The following AKAP7 variants were observed in gnomAD, a reference collection of about 807,000 sequenced individuals.
AKAP7 encodes the protein A kinase (PRKA) anchor protein 7.
In AKAP7, 39 loss-of-function variants were observed where a neutral mutation model predicts 39.5. The ratio of observed to expected loss-of-function variants is 0.99; its 90% confidence interval spans 0.76 to 1.29. The LOEUF is 1.29. Ranked by LOEUF, AKAP7 falls within the 50% of genes most tolerant of loss-of-function variation. AKAP7 has a pLI of 0.00. For missense variants in AKAP7, 414 were observed against 407.7 expected (o/e 1.02, Z -0.13); for synonymous variants, 140 against 139.1 (o/e 1.01, Z -0.05).
chr6:131,167,263 C>T (rs1041322448), intron 4 of AKAP7, among the ~76,000 whole-genome samples: 5 of 152,174 alleles, frequency 3.3e-5, no homozygotes, highest in Admixed American at 6.5e-5. Context: ...CTGATTCCTT[C>T]TTACTCTGTG....
At chr6:131,203,608 C>T (rs1258253194) in intron 6 of AKAP7, among the ~76,000 whole-genome samples, 1 of 152,132 alleles carries the variant, frequency 6.6e-6, no homozygotes, top group African/African-American at 2.4e-5. Flanking sequence ...GGTAGAGTTA[C>T]TCCCTCATTA....
chr6:131,276,668 TGATA>T (rs1182754461), intron 7 of AKAP7, among the ~76,000 whole-genome samples: 1 of 152,338 alleles, frequency 6.6e-6, no homozygotes, highest in East Asian at 1.9e-4. Context: ...ATGAGGTTTC[TGATA>T]GTTAGAATGT....
intron 7 of AKAP7, among the ~76,000 whole-genome samples, chr6:131,260,316 A>T (rs1333455390): frequency 6.6e-6 from 1 of 152,074 alleles, no homozygotes; most frequent in African/African-American, 2.4e-5. Flanking sequence ...TTGGGCATAT[A>T]CCCAGTAATG....
At chr6:131,266,187 A>G (rs905553346) in intron 7 of AKAP7, among the ~76,000 whole-genome samples, 1 of 152,136 alleles carries the variant, frequency 6.6e-6, no homozygotes, top group African/African-American at 2.4e-5. Flanking sequence ...CCTTCTAATC[A>G]TCGCCTCGGT....
rs1815313673 is a variant in AKAP7, at chr6:131,282,900, CTG to C, written c.*1177_*1178del. ...GTCCTTGCAGAAAAAAACATACAGA[CTG>C]TGAACAAATCATTCACAAACAGAAT... is the stretch of plus-strand genomic sequence containing the variant. On this transcript the variant is annotated 3_prime_UTR_variant, in exon 8 of 8. Coordinates refer to ENST00000431975, the MANE Select transcript of AKAP7 (RefSeq NM_016377.4). 1 of 258,612 alleles carries C rather than the reference CTG, an allele frequency of 3.9e-6. No homozygotes were observed. The highest frequency in any genetic ancestry group is 7.4e-6 in the Non-Finnish European group (1 of 135,262). 16.0% of individuals were successfully genotyped at this position (258,612 alleles called of 1,614,324 possible).
At chr6:131,237,775 G>A (rs940640447) in intron 7 of AKAP7, among the ~76,000 whole-genome samples, 19 of 151,976 alleles carry the variant, frequency 1.3e-4, no homozygotes, top group East Asian at 7.7e-4. Context: ...TTTTTATTGC[G>A]TCTATTTGAT....
rs185439111 is a variant in AKAP7, at chr6:131,157,697, A to G, written c.152-2362A>G. Among the ~76,000 whole-genome samples, 375 of 152,344 alleles carry G rather than the reference A, an allele frequency of 2.5e-3. 2 individuals carry two copies. Among genetic ancestry groups the G allele is most frequent in the African/African-American group, 8.3e-3 (346 of 41,580 alleles). The stretch of plus-strand genomic sequence containing the variant: ...TTCTTATAACACAGATAAAAATGCT[A>G]CAAACTATTTCTTAGTAATAAAATC... On this transcript the variant is annotated intron_variant, in intron 2 of 7. Transcript: ENST00000431975.
chr6:131,160,184 A>G lies in AKAP7; in HGVS notation c.277A>G (p.Ile93Val), dbSNP rs758935452. ...YQPNYFLSIP[I>V]TNKEIIKGIK... ...ACCCAACTATTTCCTGTCCATTCCA[A>G]TCACCAACAAAGAGGTGCTATTTTT... Residue 93 changes from isoleucine to valine, a missense_variant, in exon 3 of 8, where the codon ATC becomes GTC. Transcript: ENST00000431975. The G allele has an allele frequency of 1.2e-6, 2 of 1,600,486 alleles. No homozygotes were observed. Among genetic ancestry groups the G allele is most frequent in the South Asian group, 1.1e-5 (1 of 87,574 alleles).
chr6:131,247,315 G>GTT (rs1243723637), intron 7 of AKAP7, among the ~76,000 whole-genome samples: 1 of 45,830 alleles, frequency 2.2e-5, no homozygotes. Context: ...ATATATATAT[G>GTT]TTTTTTTTTT....
chr6:131,263,325 G>A (rs569811173), intron 7 of AKAP7, among the ~76,000 whole-genome samples: 80 of 152,146 alleles, frequency 5.3e-4, no homozygotes, highest in Non-Finnish European at 9.6e-4. Context: ...CTTCTGTGTC[G>A]TCACTCTCTC....
intron 2 of AKAP7, among the ~76,000 whole-genome samples, chr6:131,150,879 C>T (rs1334358477): frequency 6.6e-6 from 1 of 152,132 alleles, no homozygotes; most frequent in African/African-American, 2.4e-5. Flanking sequence ...TAACTAGCCT[C>T]AGTACATTTT....
At chr6:131,211,034 G>C (rs922749870) in intron 6 of AKAP7, among the ~76,000 whole-genome samples, 1 of 152,188 alleles carries the variant, frequency 6.6e-6, no homozygotes, top group Non-Finnish European at 1.5e-5. Context: ...TTCTCAACAG[G>C]TGGTAACTTT....
At chr6:131,201,177 A>G (rs987394199) in intron 6 of AKAP7, among the ~76,000 whole-genome samples, 5 of 152,090 alleles carry the variant, frequency 3.3e-5, no homozygotes, top group Non-Finnish European at 7.4e-5. Context: ...AACCCATCCC[A>G]TCTCATTCTG....
At chr6:131,273,216 T>G (rs1240854374) in intron 7 of AKAP7, among the ~76,000 whole-genome samples, 1 of 152,182 alleles carries the variant, frequency 6.6e-6, no homozygotes, top group East Asian at 1.9e-4. Flanking sequence ...TCTCTTCATA[T>G]TTGAAGTGGA....
chr6:131,208,772 G>T (rs1808365334), intron 6 of AKAP7, among the ~76,000 whole-genome samples: 1 of 152,116 alleles, frequency 6.6e-6, no homozygotes, highest in Admixed American at 6.5e-5. Flanking sequence ...CATGTTAATG[G>T]ATCCTCTGGC....
At chr6:131,182,518 T>G (rs1236611558) in intron 5 of AKAP7, among the ~76,000 whole-genome samples, 1 of 152,236 alleles carries the variant, frequency 6.6e-6, no homozygotes, top group Non-Finnish European at 1.5e-5. Context: ...CCGTGGTATA[T>G]GTACATACCA....
At chr6:131,259,828 C>A (rs113779492) in intron 7 of AKAP7, among the ~76,000 whole-genome samples, 3,177 of 152,158 alleles carry the variant, frequency 0.021, 109 homozygotes, top group African/African-American at 0.072. Flanking sequence ...TTCTGGGATA[C>A]CTGTGCAGAG....
chr6:131,138,610 C>A lies in AKAP7; in HGVS notation c.19+2828C>A, dbSNP rs1429071742. 2.6e-5 allele frequency among the ~76,000 whole-genome samples: 4 copies of A among 152,196 alleles called. No individual in the cohort carries two copies. The East Asian group carries it at 7.7e-4, about 29-fold the overall frequency. On this transcript the variant is annotated intron_variant, in intron 1 of 7. Transcript: ENST00000431975. The stretch of plus-strand genomic sequence containing the variant: ...TTGCCTCCGTTTACATTGCTATAGT[C>A]AGTGTATAATAAGGTGGCAGTGTGT...
chr6:131,144,154 T>A (rs1446118556), intron 1 of AKAP7, among the ~76,000 whole-genome samples: 12 of 145,574 alleles, frequency 8.2e-5, no homozygotes, highest in Non-Finnish European at 1.2e-4. Context: ...GTCTCCCATG[T>A]CTACTTCTAT....
Sources: gnomAD v4.1 joint callset for allele counts (sites outside exome capture counted in the v4.1 genomes callset) on GRCh38, gnomAD v4.1.1 for gene constraint, MANE v1.5 for transcripts, NCBI Gene and HGNC (gene_info 2026-07-23, HGNC 2026-07-21) for gene names.